OPCML: variants seen among roughly 807,000 people sequenced by gnomAD.
The protein encoded by OPCML is opioid-binding protein/cell adhesion molecule.
Under a neutral mutation model 37.8 loss-of-function variants are expected in OPCML, and 13 were observed. The ratio of observed to expected loss-of-function variants is 0.34; its 90% CI spans 0.22 to 0.55. OPCML has a LOEUF of 0.55. Ranked by LOEUF, OPCML falls within the 20% of genes least tolerant of loss-of-function variation. OPCML has a pLI of 0.91. For synonymous variants in OPCML, 176 were observed against 168.8 expected (o/e 1.04, Z -0.33); for missense variants, 341 against 435.6 (o/e 0.78, Z 1.93).
At chr11:132,592,263 C>T (rs576572099) in intron 3 of OPCML, among the ~76,000 whole-genome samples, 14 of 152,176 alleles carry the variant, frequency 9.2e-5, no homozygotes, top group South Asian at 4.2e-4. Context: ...GGCCTGTGCA[C>T]GTGGAGGCAT....
At chr11:132,853,116 G>T (rs1941889480) in intron 2 of OPCML, among the ~76,000 whole-genome samples, 1 of 151,948 alleles carries the variant, frequency 6.6e-6, no homozygotes, top group Admixed American at 6.6e-5. Context: ...ATTCAGAATT[G>T]GTATCTTGCA....
intron 1 of OPCML, among the ~76,000 whole-genome samples, chr11:133,258,300 G>T (rs1675052173): frequency 6.6e-6 from 1 of 152,174 alleles, no homozygotes; most frequent in Non-Finnish European, 1.5e-5. Flanking sequence ...GTGAATAGGG[G>T]ATGTCAGGAG....
chr11:133,074,760 C>G (rs919430647), intron 1 of OPCML, among the ~76,000 whole-genome samples: 16 of 152,336 alleles, frequency 1.1e-4, no homozygotes, highest in Admixed American at 6.5e-4. Context: ...ATCCAGCCCT[C>G]TCCATAATCA....
At chr11:133,041,648 C>T (rs972793377) in intron 1 of OPCML, among the ~76,000 whole-genome samples, 3 of 152,200 alleles carry the variant, frequency 2.0e-5, no homozygotes, top group African/African-American at 7.2e-5. Flanking sequence ...TCAAAGGAAA[C>T]ATCCTATACC....
chr11:132,802,899 GA>G (rs1938758534), intron 2 of OPCML, among the ~76,000 whole-genome samples: 1 of 152,148 alleles, frequency 6.6e-6, no homozygotes, highest in African/African-American at 2.4e-5. Flanking sequence ...ATCCTCTTTG[GA>G]AAATTAAATG....
rs951709677 is a variant in OPCML, at chr11:132,573,764, G to C, written c.380-44578C>G. 1.5e-4 allele frequency among the ~76,000 whole-genome samples: 23 copies of C among 152,000 alleles called. 1 individual carries two copies. Among genetic ancestry groups the C allele is most frequent in the Admixed American group, 1.4e-3 (21 of 15,270 alleles). On this transcript the variant is annotated intron_variant, in intron 3 of 7. Coordinates refer to ENST00000524381, the MANE Select transcript of OPCML (RefSeq NM_001012393.5). ...GGCCTCATAAAAACAGTTTAGAAGT[G>C]TTTCCTCGTTTTAATTTTTTAGAAG...
chr11:132,442,389 G>A (rs989925780), intron 4 of OPCML, among the ~76,000 whole-genome samples: 1 of 152,110 alleles, frequency 6.6e-6, no homozygotes, highest in African/African-American at 2.4e-5. Context: ...ATGTCCTTTT[G>A]TGCCAGCGAT....
intron 2 of OPCML, among the ~76,000 whole-genome samples, chr11:132,811,953 A>G (rs1309892263): frequency 6.6e-6 from 1 of 152,238 alleles, no homozygotes; most frequent in Non-Finnish European, 1.5e-5. Context: ...ATATTAATAT[A>G]TACAGTGATG....
chr11:133,457,258 T>C (rs562974536), intron 1 of OPCML, among the ~76,000 whole-genome samples: 16 of 152,222 alleles, frequency 1.1e-4, no homozygotes, highest in Middle Eastern at 6.8e-3. Context: ...CTAGGTTGGG[T>C]ACAGTGGCTT....
chr11:132,873,186 A>T (rs1292576718), intron 2 of OPCML, among the ~76,000 whole-genome samples: 1 of 152,116 alleles, frequency 6.6e-6, no homozygotes, highest in Non-Finnish European at 1.5e-5. Context: ...CTCCTCAGTC[A>T]TTTTCCAAGC....
At chr11:132,696,163 C>T (rs1422957532) in intron 2 of OPCML, among the ~76,000 whole-genome samples, 4 of 152,106 alleles carry the variant, frequency 2.6e-5, no homozygotes, top group African/African-American at 9.7e-5. Flanking sequence ...TGAGAATGCC[C>T]GACCCTAAAG....
At chr11:132,986,673 A>C (rs1030786219) in intron 1 of OPCML, among the ~76,000 whole-genome samples, 2 of 152,210 alleles carry the variant, frequency 1.3e-5, no homozygotes, top group African/African-American at 4.8e-5. Flanking sequence ...AGGGTTCTGT[A>C]TCTGTATGCC....
At chr11:132,658,499 G>A (rs1040088728) in intron 2 of OPCML, among the ~76,000 whole-genome samples, 3 of 152,158 alleles carry the variant, frequency 2.0e-5, no homozygotes, top group African/African-American at 7.2e-5. Flanking sequence ...GGGTCTCCAA[G>A]CACCAGAACC....
chr11:132,851,847 C>T (rs1206429984), intron 2 of OPCML, among the ~76,000 whole-genome samples: 1 of 152,076 alleles, frequency 6.6e-6, no homozygotes, highest in African/African-American at 2.4e-5. Flanking sequence ...TTATGTAACG[C>T]CTGTTCACAT....
chr11:132,973,195 G>A (rs1481693182), intron 1 of OPCML, among the ~76,000 whole-genome samples: 3 of 152,130 alleles, frequency 2.0e-5, no homozygotes, highest in Admixed American at 6.5e-5. Context: ...TAAGACAAAT[G>A]TCCTCCTTCT....
rs117806941 is a variant in OPCML, at chr11:133,377,439, T to G, written c.61+154825A>C. On this transcript the variant is annotated intron_variant, in intron 1 of 7. Coordinates refer to ENST00000524381, the MANE Select transcript of OPCML (RefSeq NM_001012393.5). ...GTTTTGCCGATTGAAGATACCAGGATGGCAGGCAAAGGCAAGATGTGGGAA... is the reference window on the plus strand; with the variant it reads ...GTTTTGCCGATTGAAGATACCAGGAGGGCAGGCAAAGGCAAGATGTGGGAA... Among the ~76,000 whole-genome samples the G allele has an allele frequency of 7.9e-5, 12 of 151,940 alleles. No individual in the cohort carries two copies. In the East Asian group the frequency reaches 2.3e-3, roughly 30 times the overall value.
At chr11:133,063,106 A>G (rs1263156935) in intron 1 of OPCML, among the ~76,000 whole-genome samples, 1 of 152,232 alleles carries the variant, frequency 6.6e-6, no homozygotes, top group African/African-American at 2.4e-5. Flanking sequence ...CGGTCAGTCC[A>G]GAGACCAGCC....
intron 2 of OPCML, among the ~76,000 whole-genome samples, chr11:132,854,455 T>C (rs1050956441): frequency 5.3e-5 from 8 of 151,980 alleles, no homozygotes; most frequent in African/African-American, 1.7e-4. Flanking sequence ...AGGTTGGAGG[T>C]TGGGAGTGAA....
At chr11:132,620,550 C>T (rs954918291) in intron 3 of OPCML, among the ~76,000 whole-genome samples, 1 of 152,132 alleles carries the variant, frequency 6.6e-6, no homozygotes, top group African/African-American at 2.4e-5. Context: ...CAGGAAGCAA[C>T]CCAAGGTGAC....
Sources: allele counts gnomAD v4.1 joint callset (sites outside exome capture counted in the v4.1 genomes callset), GRCh38; gene constraint gnomAD v4.1.1; transcripts MANE v1.5; gene names NCBI Gene and HGNC (gene_info 2026-07-23, HGNC 2026-07-21).